RHOBTB2: variants seen among roughly 807,000 people sequenced by gnomAD.
RHOBTB2 encodes the protein rho-related BTB domain-containing protein 2.
RHOBTB2 carries 39 observed loss-of-function variants against 66.5 expected under a neutral mutation model. The observed-to-expected ratio is 0.59, with a 90% CI of 0.45 to 0.77. The LOEUF is 0.77. RHOBTB2 is among the 30% of genes least tolerant of loss of function. The pLI is 0.00. For synonymous variants in RHOBTB2, 390 were observed against 395.0 expected (o/e 0.99, Z 0.15); for missense variants, 755 against 999.1 (o/e 0.76, Z 3.29).
upstream of RHOBTB2, among the ~76,000 whole-genome samples, chr8:22,997,104 G>C (rs1045013963): frequency 1.3e-5 from 2 of 152,126 alleles, no homozygotes; most frequent in African/African-American, 4.8e-5. Flanking sequence ...GTAGTGAACC[G>C]CTGGAGCTCC....
chr8:22,995,867 G>A, upstream of RHOBTB2: 3 of 1,551,674 alleles, frequency 1.9e-6, no homozygotes, highest in Non-Finnish European at 2.6e-6. Context: ...CAGGAGAGGG[G>A]TGCCATGAAA....
the RHOBTB2 span, among the ~76,000 whole-genome samples, chr8:22,979,728 C>A: frequency 1.6e-5 from 2 of 126,712 alleles, no homozygotes; most frequent in African/African-American, 5.9e-5. Flanking sequence ...TTTTTCTTTT[C>A]TTTTCTTTTC....
Position 23,017,619 on chromosome 8 carries a change from G to T in RHOBTB2, c.*150G>T. On this transcript the variant is annotated 3_prime_UTR_variant, in exon 10 of 10. Coordinates refer to ENST00000251822, the MANE Select transcript of RHOBTB2 (RefSeq NM_015178.3). This position sits in a 1 kb window ranked among gnomAD's most constrained non-coding sequence, Gnocchi z 5.3. ...TGGAGCTCTTCTTACCAGCCACCGT[G>T]GCTCAGCCAGAGAGGAGCTGAGCCC... 7.7e-7 allele frequency: 1 copy of T among 1,294,468 alleles called. No individual in the cohort carries two copies. The allele number at this position is 1,294,468 out of a possible 1,614,324, so 80.2% of individuals were successfully genotyped here.
the RHOBTB2 span, among the ~76,000 whole-genome samples, chr8:22,966,485 A>C: frequency 6.6e-6 from 1 of 152,058 alleles, no homozygotes; most frequent in Non-Finnish European, 1.5e-5. Context: ...TAAGTATGTG[A>C]AAAGATGCTC....
chr8:22,962,215 G>GAAAA, the RHOBTB2 span, among the ~76,000 whole-genome samples: 3 of 45,308 alleles, frequency 6.6e-5, no homozygotes, highest in Non-Finnish European at 1.4e-4. Context: ...AAAAAAAAAG[G>GAAAA]AAAGAAAGAG....
intron 1 of RHOBTB2, among the ~76,000 whole-genome samples, chr8:23,000,372 G>C (rs915997019): frequency 6.6e-6 from 1 of 152,224 alleles, no homozygotes; most frequent in African/African-American, 2.4e-5. Flanking sequence ...TCTATTTTGT[G>C]TGTGTGCAGA....
intron 1 of RHOBTB2, among the ~76,000 whole-genome samples, chr8:22,989,281 G>A (rs1404464580): frequency 2.0e-5 from 3 of 152,112 alleles, no homozygotes; most frequent in African/African-American, 2.4e-5. Context: ...CCAAGTAGCT[G>A]GGATTACAGG....
chr8:22,988,286 T>C (rs1447417356), intron 1 of RHOBTB2, among the ~76,000 whole-genome samples: 2 of 151,414 alleles, frequency 1.3e-5, no homozygotes, highest in Non-Finnish European at 3.0e-5. Context: ...TAGCCTCCCA[T>C]GTAGCTGGGA....
At chr8:22,973,874 C>G in the RHOBTB2 span, among the ~76,000 whole-genome samples, 44,104 of 152,022 alleles carry the variant, frequency 0.29, 6,671 homozygotes, top group East Asian at 0.53. Context: ...CCTGCCCCAC[C>G]GGCATCTTCT....
exon 2 of RHOBTB2, chr8:22,992,168 C>T (rs1370025350): frequency 1.3e-5 from 2 of 152,146 alleles, no homozygotes; most frequent in South Asian, 2.1e-4. Context: ...GAACCAACTA[C>T]CAAAGGAGAG....
chr8:22,970,331 C>CG, the RHOBTB2 span, among the ~76,000 whole-genome samples: 1 of 152,198 alleles, frequency 6.6e-6, no homozygotes, highest in Non-Finnish European at 1.5e-5. Flanking sequence ...ACCCATTCAC[C>CG]GGGGGGAGCC....
intron 7 of RHOBTB2, among the ~76,000 whole-genome samples, chr8:23,014,078 T>A (rs1375953035): frequency 6.6e-6 from 1 of 152,230 alleles, no homozygotes; most frequent in Admixed American, 6.5e-5. Context: ...CTCATTGTAC[T>A]GGGATGACTG....
At chr8:22,981,667 G>A in the RHOBTB2 span, among the ~76,000 whole-genome samples, 6 of 152,190 alleles carry the variant, frequency 3.9e-5, no homozygotes, top group Non-Finnish European at 8.8e-5. Context: ...GGGTGAAGCT[G>A]AAAGGGACAG....
intron 1 of RHOBTB2, 65 bp downstream of exon 1, chr8:23,000,170 G>T (rs1405721822): frequency 1.0e-6 from 1 of 961,468 alleles, no homozygotes; most frequent in Non-Finnish European, 1.2e-6. Flanking sequence ...GCGCCGCTCC[G>T]CCCTCCCTGC....
rs182751679 is a variant in RHOBTB2 at position 23,002,900 on chromosome 8, T to G, written c.-10-1525T>G. Among the ~76,000 whole-genome samples, 230 of 152,330 alleles carry G rather than the reference T, an allele frequency of 1.5e-3. 2 individuals carry two copies. The highest frequency in any genetic ancestry group is 1.0e-4 in the Non-Finnish European group (7 of 68,044). ...GCTTAGGTTGCTGAGATGCATCCAC[T>G]CGCACGGATCCCAGTTGCTATCGTT... On this transcript the variant is annotated intron_variant, in intron 1 of 9. Transcript: ENST00000251822.
intron 6 of RHOBTB2, 91 bp downstream of exon 6, chr8:23,008,202 C>T (rs979004344): frequency 2.0e-5 from 18 of 881,540 alleles, no homozygotes; most frequent in African/African-American, 8.4e-5. Flanking sequence ...ACTTTCTTCA[C>T]TGACTGTGTG....
chr8:22,971,635 C>T, the RHOBTB2 span, among the ~76,000 whole-genome samples: 3 of 152,196 alleles, frequency 2.0e-5, no homozygotes, highest in Non-Finnish European at 4.4e-5. Context: ...CTGCACTGCC[C>T]ATTGCTGAAC....
Position 23,000,104 on chromosome 8 carries a change from G to C in RHOBTB2, c.-12G>C, listed in dbSNP as rs1810727177. The C allele has an allele frequency of 2.0e-6, 2 of 985,444 alleles. No homozygotes were observed. The highest frequency in any genetic ancestry group is 2.4e-6 in the Non-Finnish European group (2 of 830,008). 61.0% of individuals were successfully genotyped at this position (985,444 alleles called of 1,614,324 possible). On this transcript the variant is annotated splice_region_variant and 5_prime_UTR_variant, in exon 1 of 10. Transcript: ENST00000251822. ...AGAAGCCACCCCGTCACATGTAGTGGTGTAAGTAGATGGCTGCTTGCGGTT... is the reference window on the plus strand; with the variant it reads ...AGAAGCCACCCCGTCACATGTAGTGCTGTAAGTAGATGGCTGCTTGCGGTT...
At chr8:22,993,499 G>C (rs1268400124) in intron 2 of RHOBTB2, among the ~76,000 whole-genome samples, 1 of 152,172 alleles carries the variant, frequency 6.6e-6, no homozygotes, top group African/African-American at 2.4e-5. Flanking sequence ...AGTTAGAAGG[G>C]TGTCAGTGCT....
Sources: gnomAD v4.1 joint callset for allele counts (sites outside exome capture counted in the v4.1 genomes callset) on GRCh38, gnomAD v4.1.1 for gene constraint, Gnocchi (gnomAD v3.1) non-coding constraint, MANE v1.5 for transcripts, NCBI Gene and HGNC (gene_info 2026-07-23, HGNC 2026-07-21) for gene names.